SIRT2: variants seen among roughly 807,000 people sequenced by gnomAD.
SIRT2 encodes the protein NAD-dependent protein deacetylase sirtuin-2.
A neutral mutation model predicts 57.4 loss-of-function variants in SIRT2; 40 were observed. That is an observed-to-expected ratio of 0.70 (90% CI 0.54 to 0.91). The LOEUF is 0.91. Among genes scored for constraint, SIRT2 ranks in the 40% least tolerant of loss-of-function variants. The pLI is 0.00. For missense variants in SIRT2, 439 were observed against 510.4 expected (o/e 0.86, Z 1.35); for synonymous variants, 161 against 195.7 (o/e 0.82, Z 1.48).
chr19:38,890,276 C>A (rs1973492115), intron 4 of SIRT2, 132 bp from the exon 5 acceptor site: 1 of 821,122 alleles, frequency 1.2e-6, no homozygotes, highest in Admixed American at 2.2e-5. Flanking sequence ...GCATGACGGG[C>A]CTTCCAATCA....
At chr19:38,892,231 A>C (rs1053684862) in intron 4 of SIRT2, among the ~76,000 whole-genome samples, 8 of 152,034 alleles carry the variant, frequency 5.3e-5, no homozygotes, top group Non-Finnish European at 1.2e-4. Context: ...CCCTGTCTCT[A>C]CTAAAATACA....
chr19:38,883,746 G>T lies in SIRT2; in HGVS notation c.512C>A (p.Thr171Asn), dbSNP rs550825769. The T allele has an allele frequency of 1.2e-6, 2 of 1,614,002 alleles. No individual in the cohort carries two copies. Among genetic ancestry groups the T allele is most frequent in the Admixed American group, 1.7e-5 (1 of 60,008 alleles). Reference sequence around the variant, plus strand: ...TTCCAGCCCGGCTATTCGCTCCAGGGTATCTATGTTCTAGAGGGAGAGATG... The same window carrying T: ...TTCCAGCCCGGCTATTCGCTCCAGGTTATCTATGTTCTAGAGGGAGAGATG... ...LLRCYTQNID[T>N]LERIAGLEQE... The change falls in exon 9 of 16, where the codon ACC (threonine) becomes AAC (asparagine). Residue 171 changes from threonine (T) to asparagine (N), a missense_variant. Transcript: ENST00000249396.
At chr19:38,897,913 A>G (rs1973776917) in intron 2 of SIRT2, among the ~76,000 whole-genome samples, 1 of 152,152 alleles carries the variant, frequency 6.6e-6, no homozygotes, top group Non-Finnish European at 1.5e-5. Context: ...ATCATAGCTC[A>G]CTGCAGCCTC....
Position 38,898,417 on chromosome 19 carries a change from G to T in SIRT2, c.25C>A (p.Pro9Thr), listed in dbSNP as rs1362615136. The T allele has an allele frequency of 3.9e-6, 6 of 1,550,400 alleles. No individual in the cohort carries two copies. The East Asian group carries it at 7.0e-5, about 18-fold the overall frequency. Residue 9 changes from proline (P) to threonine (T), a missense_variant, in exon 2 of 16, where the codon CCT becomes ACT. Physicochemically the swap from Pro to Thr is conservative, Grantham distance 38. Transcript: ENST00000249396. ...ACCTTCCCTGCCTGGGTCTCCAGAGGGTGAGAGGCTGGGGGAGGGGAGCAG... is the reference window on the plus strand; with the variant it reads ...ACCTTCCCTGCCTGGGTCTCCAGAGTGTGAGAGGCTGGGGGAGGGGAGCAG... MAEPDPSH[P>T]LETQAGKVQE...
intron 8 of SIRT2, among the ~76,000 whole-genome samples, chr19:38,888,244 C>T (rs1345698168): frequency 6.6e-6 from 1 of 152,192 alleles, no homozygotes; most frequent in East Asian, 1.9e-4. Context: ...ACCATCATAG[C>T]TCACTGCAGT....
At chr19:38,883,075 G>GTTTTTT (rs61706756) in intron 9 of SIRT2, among the ~76,000 whole-genome samples, 10 of 110,384 alleles carry the variant, frequency 9.1e-5, no homozygotes, top group African/African-American at 1.8e-4. Context: ...GTGACTTCTT[G>GTTTTTT]TTTTTTTTTT....
At chr19:38,891,720 C>T in intron 4 of SIRT2, 1 of 370,658 alleles carries the variant, frequency 2.7e-6, no homozygotes, top group Non-Finnish European at 5.6e-6. Flanking sequence ...TAGGCCTGAA[C>T]CACCACTCCC....
Position 38,880,778 on chromosome 19 carries a change from C to T in SIRT2, c.825-42G>A. On this transcript the variant is annotated intron_variant, in intron 12 of 15. Coordinates refer to ENST00000249396, the MANE Select transcript of SIRT2 (RefSeq NM_012237.4). This position sits in a 1 kb window ranked among gnomAD's most constrained non-coding sequence, Gnocchi z 4.1. ...CTAAGGGGTCAGGGTCTGTCCTGGC[C>T]CTGGGTGCCCAGCCGTCCTCCCAGC... is the stretch of plus-strand genomic sequence containing the variant. 1.2e-6 allele frequency: 2 copies of T among 1,611,826 alleles called. No individual in the cohort carries two copies. The highest frequency in any genetic ancestry group is 2.2e-5 in the South Asian group (2 of 91,016).
intron 8 of SIRT2, among the ~76,000 whole-genome samples, chr19:38,885,957 A>G (rs1409247303): frequency 1.3e-5 from 2 of 152,044 alleles, no homozygotes. Context: ...CTGCACAGAC[A>G]TTTGTGCGCG....
chr19:38,885,434 T>C (rs1437768137), intron 8 of SIRT2, among the ~76,000 whole-genome samples: 1 of 150,496 alleles, frequency 6.6e-6, no homozygotes, highest in African/African-American at 2.4e-5. Context: ...TTTTCTTTTT[T>C]TTTTTTTTCA....
intron 8 of SIRT2, among the ~76,000 whole-genome samples, chr19:38,887,541 C>T (rs1973381103): frequency 6.6e-6 from 1 of 152,004 alleles, no homozygotes; most frequent in Non-Finnish European, 1.5e-5. Context: ...GTGGGGATCA[C>T]AGGACTCCTC....
At chr19:38,887,609 C>T (rs887079102) in intron 8 of SIRT2, among the ~76,000 whole-genome samples, 7 of 152,224 alleles carry the variant, frequency 4.6e-5, no homozygotes. Context: ...CAGGTGGGAA[C>T]ACCTCGCCCA....
chr19:38,882,290 C>T (rs922747836), intron 9 of SIRT2, among the ~76,000 whole-genome samples: 3 of 151,380 alleles, frequency 2.0e-5, no homozygotes, highest in Non-Finnish European at 4.4e-5. Context: ...GTTGGGATTA[C>T]AGGCATGAGC....
intron 8 of SIRT2, among the ~76,000 whole-genome samples, chr19:38,888,296 C>T (rs1973406606): frequency 6.6e-6 from 1 of 152,216 alleles, no homozygotes; most frequent in Non-Finnish European, 1.5e-5. Context: ...CCTCAGCCTC[C>T]TGAGTAGCTG....
intron 13 of SIRT2, 183 bp from the exon 14 acceptor site, chr19:38,879,885 A>T: frequency 1.7e-6 from 1 of 590,498 alleles, no homozygotes; most frequent in Non-Finnish European, 3.0e-6. Flanking sequence ...GAGTGCAATG[A>T]TGTGATCTCG....
At chr19:38,883,845 A>G (rs1185976172) in intron 8 of SIRT2, 89 bp from the exon 9 acceptor site, 1 of 1,428,674 alleles carries the variant, frequency 7.0e-7, no homozygotes, top group Non-Finnish European at 9.7e-7. Context: ...GGCCACGAGG[A>G]GCAGTGAGGT....
chr19:38,885,590 C>CTT (rs1307608798), intron 8 of SIRT2, among the ~76,000 whole-genome samples: 9 of 114,580 alleles, frequency 7.9e-5, no homozygotes, highest in Non-Finnish European at 1.7e-4. Context: ...CCATGCGTGG[C>CTT]TATTTTTTTT....
intron 2 of SIRT2, among the ~76,000 whole-genome samples, chr19:38,896,457 G>A (rs2144704911): frequency 6.6e-6 from 1 of 152,254 alleles, no homozygotes; most frequent in East Asian, 1.9e-4. Context: ...GGGCTCAAGT[G>A]ATCCCCCTGC....
Position 38,890,104 on chromosome 19 carries a change from T to C in SIRT2, c.267A>G (p.Thr89=), listed in dbSNP as rs1176650888. The part of the protein sequence containing the change: ...VICLVGAGIS[T]SAGIPDFRSP... ...TGCTGGGGGAGAAGGGTTACTTACA[T>C]GTGGAGATTCCAGCTCCCACCAAAC... The change falls in exon 5 of 16, where the codon ACA becomes ACG. Residue 89 remains threonine, a splice_region_variant and synonymous_variant. Transcript: ENST00000249396. The C allele has an allele frequency of 1.9e-6, 3 of 1,614,150 alleles. No individual in the cohort carries two copies. The highest frequency in any genetic ancestry group is 2.5e-6 in the Non-Finnish European group (3 of 1,179,994).
Sources: allele counts gnomAD v4.1 joint callset (sites outside exome capture counted in the v4.1 genomes callset), GRCh38; gene constraint gnomAD v4.1.1; non-coding constraint Gnocchi (gnomAD v3.1); transcripts MANE v1.5; gene names NCBI Gene and HGNC (gene_info 2026-07-23, HGNC 2026-07-21).